Variants in TMEM132B observed in about 807,000 individuals in gnomAD.
The protein encoded by TMEM132B is transmembrane protein 132B.
In TMEM132B, 18 loss-of-function variants were observed where a neutral mutation model predicts 90.8. That is an observed-to-expected ratio of 0.20 (90% CI 0.14 to 0.29). The LOEUF (loss-of-function observed/expected upper bound fraction) is 0.29. Ranked by LOEUF, TMEM132B falls within the 10% of genes least tolerant of loss-of-function variation. The pLI, the probability that TMEM132B is intolerant of heterozygous loss-of-function variation, is 1.00. For synonymous variants in TMEM132B, 504 were observed against 523.3 expected (o/e 0.96, Z 0.50); for missense variants, 1,096 against 1,326.8 (o/e 0.83, Z 2.70).
intron 4 of TMEM132B, among the ~76,000 whole-genome samples, chr12:125,543,857 C>T (rs1884021721): frequency 6.6e-6 from 1 of 152,114 alleles, no homozygotes; most frequent in African/African-American, 2.4e-5. Flanking sequence ...GGTATATACC[C>T]AAAGGAATAT....
At chr12:125,341,544 G>A (rs922334352) in intron 1 of TMEM132B, among the ~76,000 whole-genome samples, 8 of 152,040 alleles carry the variant, frequency 5.3e-5, no homozygotes, top group African/African-American at 9.6e-5. Flanking sequence ...TGCCTCTAAC[G>A]TTTTATGGAC....
At chr12:125,436,184 C>T (rs925026405) in intron 3 of TMEM132B, among the ~76,000 whole-genome samples, 2 of 152,282 alleles carry the variant, frequency 1.3e-5, no homozygotes, top group East Asian at 3.9e-4. Flanking sequence ...TCTCAGCTAA[C>T]TGTGTGAGCA....
chr12:125,593,894 A>G (rs1265191075), intron 5 of TMEM132B, among the ~76,000 whole-genome samples: 1 of 152,238 alleles, frequency 6.6e-6, no homozygotes, highest in Non-Finnish European at 1.5e-5. Context: ...TTTTCTTTGT[A>G]ACAGCTTTAT....
chr12:125,283,589 C>G (rs1019173209), intron 1 of TMEM132B, among the ~76,000 whole-genome samples: 1 of 152,110 alleles, frequency 6.6e-6, no homozygotes, highest in African/African-American at 2.4e-5. Context: ...TGTAATGAAG[C>G]GTTGATAGGG....
At chr12:125,266,895 G>C (rs1369064563) in intron 1 of TMEM132B, among the ~76,000 whole-genome samples, 1 of 152,138 alleles carries the variant, frequency 6.6e-6, no homozygotes, top group Non-Finnish European at 1.5e-5. Context: ...TGGCACTCTG[G>C]GCTGGGCTGT....
intron 4 of TMEM132B, among the ~76,000 whole-genome samples, chr12:125,568,322 A>G (rs1005964125): frequency 6.6e-5 from 10 of 152,286 alleles, no homozygotes; most frequent in African/African-American, 2.2e-4. Flanking sequence ...CAGGCATGCA[A>G]TGCATAATAA....
At chr12:125,574,942 G>T (rs1273351198) in intron 4 of TMEM132B, among the ~76,000 whole-genome samples, 1 of 149,964 alleles carries the variant, frequency 6.7e-6, no homozygotes, top group Non-Finnish European at 1.5e-5. Context: ...TCTTTTGTTT[G>T]TTTGTTTTCA....
At chr12:125,191,588 A>T (rs1380657879) in intron 1 of TMEM132B, among the ~76,000 whole-genome samples, 2 of 152,148 alleles carry the variant, frequency 1.3e-5, no homozygotes, top group Non-Finnish European at 2.9e-5. Context: ...AGCTCCTTTG[A>T]TGTGCTAGCC....
At chr12:125,615,883 C>G (rs1158446648) in intron 5 of TMEM132B, among the ~76,000 whole-genome samples, 1 of 152,124 alleles carries the variant, frequency 6.6e-6, no homozygotes, top group South Asian at 2.1e-4. Context: ...AAAAGTCATA[C>G]ACATTTATTA....
At chr12:125,279,116 T>TTAGAGACC (rs1875087920) in intron 1 of TMEM132B, among the ~76,000 whole-genome samples, 1 of 152,218 alleles carries the variant, frequency 6.6e-6, no homozygotes, top group Admixed American at 6.5e-5. Flanking sequence ...CATCCCTGGA[T>TTAGAGACC]TAGAGACCAG....
intron 2 of TMEM132B, among the ~76,000 whole-genome samples, chr12:125,395,364 G>A (rs147569319): frequency 2.5e-4 from 38 of 152,144 alleles, no homozygotes; most frequent in Non-Finnish European, 5.1e-4. Context: ...TCCATAAAAG[G>A]TCAGGTTATT....
intron 1 of TMEM132B, among the ~76,000 whole-genome samples, chr12:125,231,872 ACTT>A (rs1409041212): frequency 1.4e-5 from 2 of 146,634 alleles, no homozygotes; most frequent in Non-Finnish European, 1.5e-5. Context: ...ACAAAATAAA[ACTT>A]CTTTTGTGTC....
intron 1 of TMEM132B, among the ~76,000 whole-genome samples, chr12:125,343,016 C>G (rs1448329222): frequency 6.6e-6 from 1 of 152,112 alleles, no homozygotes; most frequent in Non-Finnish European, 1.5e-5. Context: ...AATCGTGTTT[C>G]AAATGCTGAG....
intron 1 of TMEM132B, among the ~76,000 whole-genome samples, chr12:125,230,166 G>A (rs1873785329): frequency 6.6e-6 from 1 of 152,226 alleles, no homozygotes; most frequent in Non-Finnish European, 1.5e-5. Flanking sequence ...TGGGAGGAGA[G>A]GAGACACTGC....
At position 125,415,061 on chromosome 12, in the gene TMEM132B, C is replaced by A. The variant is rs944408254; in HGVS notation, c.960-470C>A. Among the ~76,000 whole-genome samples, 2 of 152,174 alleles carry A rather than the reference C, an allele frequency of 1.3e-5. No homozygotes were observed. The highest frequency in any genetic ancestry group is 2.9e-5 in the Non-Finnish European group (2 of 68,036). Reference sequence around the variant, plus strand: ...CACCTGAGGACTGGGTGCTCCCGTCCATTCCTGCTCCCAGAGTGCCCAGTG... The same window carrying A: ...CACCTGAGGACTGGGTGCTCCCGTCAATTCCTGCTCCCAGAGTGCCCAGTG... On this transcript the variant is annotated intron_variant, in intron 2 of 8. Transcript: ENST00000682704. This position sits in a 1 kb window ranked among gnomAD's most constrained non-coding sequence, Gnocchi z 5.3.
At chr12:125,641,694 G>A (rs1298977945) in intron 5 of TMEM132B, among the ~76,000 whole-genome samples, 1 of 152,222 alleles carries the variant, frequency 6.6e-6, no homozygotes, top group Non-Finnish European at 1.5e-5. Flanking sequence ...AAAGGATGCA[G>A]ACAGTTACAT....
intron 5 of TMEM132B, among the ~76,000 whole-genome samples, chr12:125,600,874 G>A (rs761716151): frequency 1.1e-3 from 163 of 152,098 alleles, no homozygotes; most frequent in Non-Finnish European, 2.8e-4. Flanking sequence ...ACAAAGAAGG[G>A]CATTACATCA....
chr12:125,538,980 C>G (rs897957885), intron 4 of TMEM132B, among the ~76,000 whole-genome samples: 1 of 152,182 alleles, frequency 6.6e-6, no homozygotes, highest in East Asian at 1.9e-4. Context: ...TGCCAGCACC[C>G]GAGCCCAGCC....
At chr12:125,463,147 G>C (rs1174722505) in intron 3 of TMEM132B, among the ~76,000 whole-genome samples, 1 of 152,206 alleles carries the variant, frequency 6.6e-6, no homozygotes, top group African/African-American at 2.4e-5. Context: ...GCGTCCACTC[G>C]ATACTTCTGA....
Sources: gnomAD v4.1 joint callset for allele counts (sites outside exome capture counted in the v4.1 genomes callset) on GRCh38, gnomAD v4.1.1 for gene constraint, Gnocchi (gnomAD v3.1) non-coding constraint, MANE v1.5 for transcripts, NCBI Gene and HGNC (gene_info 2026-07-23, HGNC 2026-07-21) for gene names.